Variants in ZNHIT6 observed in about 807,000 individuals in gnomAD.
ZNHIT6 encodes the protein zinc finger HIT-type containing 6, also known as box C/D snoRNA protein 1.
In ZNHIT6, 45 loss-of-function variants were observed where a neutral mutation model predicts 57.2. The observed-to-expected ratio is 0.79, with a 90% CI of 0.62 to 1.01. ZNHIT6 has a LOEUF of 1.01. Among genes scored for constraint, ZNHIT6 ranks in the 50% least tolerant of loss-of-function variants. The probability of loss-of-function intolerance (pLI) is 0.00; values close to 1 mark genes in which losing one functional copy is unlikely to be tolerated. For synonymous variants in ZNHIT6, 188 were observed against 190.0 expected (o/e 0.99, Z 0.09); for missense variants, 528 against 567.3 (o/e 0.93, Z 0.70).
chr1:85,686,615 C>T (rs1662045227), intron 5 of ZNHIT6, among the ~76,000 whole-genome samples: 1 of 152,032 alleles, frequency 6.6e-6, no homozygotes, highest in Admixed American at 6.6e-5. Flanking sequence ...AACGAGAGCT[C>T]ACTAGACATT....
chr1:85,689,814 A>C (rs1662167745), intron 5 of ZNHIT6, among the ~76,000 whole-genome samples: 1 of 152,146 alleles, frequency 6.6e-6, no homozygotes, highest in African/African-American at 2.4e-5. Flanking sequence ...GGGGGCAAGG[A>C]ATGGGAAATT....
chr1:85,706,065 G>GA lies in ZNHIT6; in HGVS notation c.915+12dup, dbSNP rs776748587. 2.0e-5 allele frequency: 31 copies of GA among 1,589,444 alleles called. No homozygotes were observed. Among genetic ancestry groups the GA allele is most frequent in the South Asian group, 6.9e-5 (6 of 86,576 alleles). Reference sequence around the variant, plus strand: ...AGGACTTCTAACTGGAAGAAATTAGGAAAAAATCTTACATATTTATTGCTT... The same window carrying GA: ...AGGACTTCTAACTGGAAGAAATTAGGAAAAAAATCTTACATATTTATTGCTT... On this transcript the variant is annotated intron_variant, in intron 4 of 9. Transcript: ENST00000370574.
Position 85,698,657 on chromosome 1 carries a change from A to C in ZNHIT6, c.1019+3500T>G, listed in dbSNP as rs141642498. ...AATTTAATACCTAGGGAGTATTAAT[A>C]ATCTTAGGACAAGACCAACTTCTCA... On this transcript the variant is annotated intron_variant, in intron 5 of 9. Coordinates refer to ENST00000370574, the MANE Select transcript of ZNHIT6 (RefSeq NM_017953.4). Among the ~76,000 whole-genome samples the C allele has an allele frequency of 4.1e-3, 623 of 152,254 alleles. 7 individuals are homozygous for C. The highest frequency in any genetic ancestry group is 0.014 in the African/African-American group (599 of 41,574).
intron 5 of ZNHIT6, among the ~76,000 whole-genome samples, chr1:85,689,264 T>C (rs543510745): frequency 3.9e-5 from 6 of 152,208 alleles, no homozygotes; most frequent in Non-Finnish European, 7.3e-5. Context: ...TAATCCTTCA[T>C]TCACAGGCAT....
chr1:85,698,396 T>C (rs1662438296), intron 5 of ZNHIT6, among the ~76,000 whole-genome samples: 1 of 152,200 alleles, frequency 6.6e-6, no homozygotes, highest in East Asian at 1.9e-4. Context: ...AATCACCTTC[T>C]GATAGGTCTA....
chr1:85,701,764 C>T (rs907505458), intron 5 of ZNHIT6, among the ~76,000 whole-genome samples: 4 of 152,120 alleles, frequency 2.6e-5, no homozygotes, highest in East Asian at 1.9e-4. Context: ...TGTTCCAGGG[C>T]GCTGCTACTC....
intron 5 of ZNHIT6, among the ~76,000 whole-genome samples, chr1:85,689,843 G>T (rs1004519668): frequency 2.0e-5 from 3 of 152,010 alleles, no homozygotes; most frequent in African/African-American, 7.2e-5. Context: ...GTATGGGAAA[G>T]CCCCACAAAA....
At chr1:85,674,861 T>C (rs535122608) in intron 8 of ZNHIT6, among the ~76,000 whole-genome samples, 29 of 152,322 alleles carry the variant, frequency 1.9e-4, no homozygotes, top group Admixed American at 1.2e-3. Flanking sequence ...AAATAGCCTC[T>C]TCTTCCAAAA....
Position 85,657,980 on chromosome 1 carries a change from T to TAAA in ZNHIT6, c.1248-12_1248-10dup. ...GATCTAGTTCATAATATCTTATTAA[T>TAAA]AAAAAAAAACAAAAAACCAGGAAAC... On this transcript the variant is annotated splice_polypyrimidine_tract_variant and intron_variant, in intron 8 of 9. Coordinates refer to ENST00000370574, the MANE Select transcript of ZNHIT6 (RefSeq NM_017953.4). 1 of 1,410,402 alleles carries TAAA rather than the reference T, an allele frequency of 7.1e-7. No homozygotes were observed. The highest frequency in any genetic ancestry group is 1.4e-5 in the South Asian group (1 of 72,168). The allele number at this position is 1,410,402 out of a possible 1,614,324, so 87.4% of individuals were successfully genotyped here.
rs1240327478 is a variant in ZNHIT6 at position 85,652,480 on chromosome 1, T to C, written c.*1578A>G. 6.6e-6 allele frequency: 1 copy of C among 152,198 alleles called. No individual in the cohort carries two copies. The highest frequency in any genetic ancestry group is 1.9e-4 in the East Asian group (1 of 5,200). 9.4% of individuals were successfully genotyped at this position (152,198 alleles called of 1,614,324 possible). Reference sequence around the variant, plus strand: ...TAGAGATTATAAATATATATGTATGTATGTTTCTCAAGTTGCAAGGACTCA... The same window carrying C: ...TAGAGATTATAAATATATATGTATGCATGTTTCTCAAGTTGCAAGGACTCA... On this transcript the variant is annotated 3_prime_UTR_variant, in exon 10 of 10. Transcript: ENST00000370574.
intron 8 of ZNHIT6, among the ~76,000 whole-genome samples, chr1:85,667,043 C>CCTTA (rs1661388832): frequency 6.6e-6 from 1 of 152,120 alleles, no homozygotes; most frequent in Non-Finnish European, 1.5e-5. Flanking sequence ...TAACAAAGAA[C>CCTTA]TGTGGTTGGG....
chr1:85,656,444 C>A lies in ZNHIT6; in HGVS notation c.1372+1403G>T, dbSNP rs146303032. Among the ~76,000 whole-genome samples, 113 of 152,160 alleles carry A rather than the reference C, an allele frequency of 7.4e-4. 1 individual carries two copies. Among genetic ancestry groups the A allele is most frequent in the African/African-American group, 2.5e-3 (104 of 41,522 alleles). On this transcript the variant is annotated intron_variant, in intron 9 of 9. Coordinates refer to ENST00000370574, the MANE Select transcript of ZNHIT6 (RefSeq NM_017953.4). ...TTTCTTATTGCTTCATTACAGGAAGCCTTACTTGAATGTACATTCCTAAAC... is the reference window on the plus strand; with the variant it reads ...TTTCTTATTGCTTCATTACAGGAAGACTTACTTGAATGTACATTCCTAAAC...
intron 5 of ZNHIT6, among the ~76,000 whole-genome samples, chr1:85,681,148 T>A (rs181694993): frequency 5.3e-5 from 8 of 152,344 alleles, no homozygotes; most frequent in Non-Finnish European, 8.8e-5. Flanking sequence ...GTTCAGGGGC[T>A]TTTGGGAGCA....
chr1:85,706,597 T>A, intron 1 of ZNHIT6, 90 bp from the exon 2 acceptor site: 1 of 1,198,406 alleles, frequency 8.3e-7, no homozygotes, highest in Non-Finnish European at 1.1e-6. Flanking sequence ...ATAAACTCAG[T>A]GACAAGTAAC....
chr1:85,659,796 A>G (rs888899702), intron 8 of ZNHIT6, among the ~76,000 whole-genome samples: 6 of 152,246 alleles, frequency 3.9e-5, no homozygotes, highest in Non-Finnish European at 8.8e-5. Flanking sequence ...TGCAGAGCCA[A>G]GCTTACTAAA....
At chr1:85,689,272 C>A (rs923476623) in intron 5 of ZNHIT6, among the ~76,000 whole-genome samples, 47 of 152,236 alleles carry the variant, frequency 3.1e-4, no homozygotes, top group African/African-American at 1.1e-3. Context: ...CATTCACAGG[C>A]ATTTAATCTT....
At position 85,707,788 on chromosome 1, in the gene ZNHIT6, T is replaced by C. The variant is rs755555501; in HGVS notation, c.497A>G (p.Lys166Arg). The C allele has an allele frequency of 1.9e-6, 3 of 1,614,126 alleles. No homozygotes were observed. Among genetic ancestry groups the C allele is most frequent in the South Asian group, 2.2e-5 (2 of 91,080 alleles). The change falls in exon 1 of 10, where the codon AAG (lysine) becomes AGG (arginine). Residue 166 changes from lysine to arginine, a missense_variant. Lys to Arg is a conservative substitution (Grantham distance 26). Coordinates refer to ENST00000370574, the MANE Select transcript of ZNHIT6 (RefSeq NM_017953.4). ...CTCTTTTATGCATTGACCAACAAAC[T>C]TCTCCTCCTGTTTTATCTCCAAGTT... ...KDNLEIKQEE[K>R]FVGQCIKEEL... is the part of the protein sequence containing the mutation.
intron 5 of ZNHIT6, among the ~76,000 whole-genome samples, chr1:85,691,672 G>A (rs1662223899): frequency 6.6e-6 from 1 of 152,196 alleles, no homozygotes; most frequent in African/African-American, 2.4e-5. Context: ...CGAGGCAGGC[G>A]GATCACCTGA....
intron 5 of ZNHIT6, among the ~76,000 whole-genome samples, chr1:85,698,717 T>C (rs11490910): frequency 0.06 from 9,191 of 152,166 alleles, 355 homozygotes; most frequent in African/African-American, 0.11. Flanking sequence ...AACTGAAAGA[T>C]TTTTAACTCC....
Sources: allele counts gnomAD v4.1 joint callset (sites outside exome capture counted in the v4.1 genomes callset), GRCh38; gene constraint gnomAD v4.1.1; transcripts MANE v1.5; gene names NCBI Gene and HGNC (gene_info 2026-07-23, HGNC 2026-07-21).